The following PUM2 variants were observed in gnomAD, a reference collection of about 807,000 sequenced individuals.
PUM2 encodes the protein pumilio RNA binding family member 2, also known as pumilio homolog 2.
In PUM2, 57 loss-of-function variants were observed where a neutral mutation model predicts 124.5. The ratio of observed to expected loss-of-function variants is 0.46; its 90% CI spans 0.37 to 0.57. The LOEUF (loss-of-function observed/expected upper bound fraction) is 0.57. PUM2 is among the 20% of genes least tolerant of loss of function. The probability of loss-of-function intolerance (pLI) is 0.00; values close to 1 mark genes in which losing one functional copy is unlikely to be tolerated. For missense variants in PUM2, 1,065 were observed against 1,290.6 expected, an observed-to-expected ratio of 0.83 and a Z score of 2.68; for synonymous variants, 460 against 446.1, an observed-to-expected ratio of 1.03 and a Z score of -0.39.
At chr2:20,338,357 A>G (rs972256677) in intron 1 of PUM2, among the ~76,000 whole-genome samples, 1 of 152,190 alleles carries the variant, frequency 6.6e-6, no homozygotes, top group African/African-American at 2.4e-5. Flanking sequence ...AGACTGCACC[A>G]CTGCACTCCA....
chr2:20,324,670 T>C (rs1683240460), intron 2 of PUM2, among the ~76,000 whole-genome samples: 3 of 152,182 alleles, frequency 2.0e-5, no homozygotes, highest in Admixed American at 2.0e-4. Context: ...TCAGTAGGTC[T>C]TTCGACAGAA....
At chr2:20,306,448 T>C (rs1678315255) in intron 7 of PUM2, among the ~76,000 whole-genome samples, 1 of 152,006 alleles carries the variant, frequency 6.6e-6, no homozygotes, top group Non-Finnish European at 1.5e-5. Context: ...TAAAAACCGT[T>C]GTGCTGTCCA....
At chr2:20,263,503 T>C in intron 13 of PUM2, 43 bp from the exon 14 acceptor site, 1 of 1,545,204 alleles carries the variant, frequency 6.5e-7, no homozygotes, top group South Asian at 1.2e-5. Context: ...TTTGACAAAG[T>C]TATTCCTCAA....
chr2:20,278,944 G>T, intron 12 of PUM2, 125 bp from the exon 13 acceptor site: 1 of 722,606 alleles, frequency 1.4e-6, no homozygotes, highest in Non-Finnish European at 2.3e-6. Flanking sequence ...TTTTGGAGAA[G>T]ATAATTACTG....
At chr2:20,322,363 G>A (rs779862350) in intron 2 of PUM2, among the ~76,000 whole-genome samples, 2 of 152,078 alleles carry the variant, frequency 1.3e-5, no homozygotes, top group Non-Finnish European at 2.9e-5. Flanking sequence ...TGAGAAGATA[G>A]TTTGAGCCCA....
intron 1 of PUM2, among the ~76,000 whole-genome samples, chr2:20,337,084 C>T (rs1363426783): frequency 6.6e-6 from 1 of 152,000 alleles, no homozygotes; most frequent in African/African-American, 2.4e-5. Flanking sequence ...TATAATAAAA[C>T]TACTGATCTA....
rs757922891 is a variant in PUM2 at position 20,263,314 on chromosome 2, T to C, written c.2104A>G (p.Ile702Val). 28 of 1,614,038 alleles carry C rather than the reference T, an allele frequency of 1.7e-5. No individual in the cohort carries two copies. In the African/African-American group the frequency reaches 1.9e-4, roughly 11 times the overall value. The part of the protein sequence containing the change: ...PSRLRYNRSD[I>V]MPSGRSRLLE... ...AATCTACTGCGGCCAGAAGGCATAATATCAGACCTATTATACCGAAGCCGG... is the reference window on the plus strand; with the variant it reads ...AATCTACTGCGGCCAGAAGGCATAACATCAGACCTATTATACCGAAGCCGG... The change falls in exon 14 of 21, where the codon ATT (isoleucine) becomes GTT (valine). Residue 702 changes from isoleucine (I) to valine (V), a missense_variant. Ile to Val is a conservative substitution (Grantham distance 29). Coordinates refer to ENST00000361078, the MANE Select transcript of PUM2 (RefSeq NM_015317.5).
chr2:20,313,458 C>T (rs898078304), intron 3 of PUM2, among the ~76,000 whole-genome samples: 6 of 152,210 alleles, frequency 3.9e-5, no homozygotes, highest in Admixed American at 6.5e-5. Context: ...GGATCAGTTG[C>T]TTATAAACAT....
At chr2:20,277,899 T>C (rs1009642093) in intron 13 of PUM2, among the ~76,000 whole-genome samples, 4 of 152,144 alleles carry the variant, frequency 2.6e-5, no homozygotes, top group South Asian at 2.1e-4. Flanking sequence ...TCAAAACGTA[T>C]TATCTACATG....
intron 7 of PUM2, among the ~76,000 whole-genome samples, chr2:20,297,974 G>C (rs1211811830): frequency 6.6e-6 from 1 of 152,136 alleles, no homozygotes; most frequent in Non-Finnish European, 1.5e-5. Context: ...AATTCAAAAA[G>C]AAATGACTGC....
Position 20,282,973 on chromosome 2 carries a change from G to A in PUM2, c.1694C>T (p.Ser565Leu), listed in dbSNP as rs1197237359. ...SGNSLGAAIGSALSGFGSSVG... is the reference protein window; with the variant it reads ...SGNSLGAAIGLALSGFGSSVG... ...TGATGAACCAAATCCACTGAGGGCT[G>A]AGCCTATAGCAGCACCCAAAGAGTT... Residue 565 changes from serine to leucine, a missense_variant, in exon 12 of 21, where the codon TCA becomes TTA. Transcript: ENST00000361078. 6.2e-7 allele frequency: 1 copy of A among 1,613,966 alleles called. No individual in the cohort carries two copies. The highest frequency in any genetic ancestry group is 8.5e-7 in the Non-Finnish European group (1 of 1,179,994).
chr2:20,287,384 G>A (rs909721338), intron 10 of PUM2, among the ~76,000 whole-genome samples: 2 of 152,142 alleles, frequency 1.3e-5, no homozygotes, highest in African/African-American at 2.4e-5. Flanking sequence ...CTTCATGAAA[G>A]GGACCATATT....
intron 1 of PUM2, among the ~76,000 whole-genome samples, chr2:20,348,311 C>T (rs1325958137): frequency 6.6e-6 from 1 of 152,072 alleles, no homozygotes; most frequent in Non-Finnish European, 1.5e-5. Context: ...GCCATGTAGA[C>T]AAAGCCATGT....
chr2:20,326,120 T>C (rs562321277), intron 2 of PUM2: 39 of 637,492 alleles, frequency 6.1e-5, no homozygotes, highest in South Asian at 9.5e-5. Flanking sequence ...TAACCAGATA[T>C]TGCACTGCAG....
rs1663118083 is a variant in PUM2 at position 20,250,794 on chromosome 2, T to C, written c.*791A>G. The stretch of plus-strand genomic sequence containing the variant: ...CACTCTTTCTCATTGCAAACCAAAC[T>C]GAAAAGTTAATAAGTGACTTAACTT... On this transcript the variant is annotated 3_prime_UTR_variant, in exon 21 of 21. Transcript: ENST00000361078. The C allele has an allele frequency of 6.6e-6, 1 of 152,632 alleles. No homozygotes were observed. The highest frequency in any genetic ancestry group is 2.4e-5 in the African/African-American group (1 of 41,466). The allele number at this position is 152,632 out of a possible 1,614,324, so 9.5% of individuals were successfully genotyped here.
At chr2:20,304,230 G>C (rs1262361612) in intron 7 of PUM2, among the ~76,000 whole-genome samples, 3 of 151,950 alleles carry the variant, frequency 2.0e-5, no homozygotes, top group East Asian at 1.9e-4. Context: ...GCCATCTGTA[G>C]GTCACCTGGC....
chr2:20,276,003 GTTA>G lies in PUM2; in HGVS notation c.1957+2577_1957+2579del, dbSNP rs140855807. ...ATTTTAAAATGTATGATATACTGTAGTTATTGTTTTGAAATAGAACCTCAGATA... is the reference window on the plus strand; with the variant it reads ...ATTTTAAAATGTATGATATACTGTAGTTGTTTTGAAATAGAACCTCAGATA... On this transcript the variant is annotated intron_variant, in intron 13 of 20. Coordinates refer to ENST00000361078, the MANE Select transcript of PUM2 (RefSeq NM_015317.5). 5.0e-3 allele frequency among the ~76,000 whole-genome samples: 767 copies of G among 152,078 alleles called. 19 individuals are homozygous for G. The highest frequency in any genetic ancestry group is 0.021 in the East Asian group (109 of 5,182).
At chr2:20,326,168 T>G (rs1471528088) in intron 2 of PUM2, 1 of 1,098,178 alleles carries the variant, frequency 9.1e-7, no homozygotes, top group African/African-American at 1.7e-5. Flanking sequence ...AAATTCAATT[T>G]CTTCAATTTT....
At chr2:20,313,574 G>C (rs147317360) in intron 3 of PUM2, among the ~76,000 whole-genome samples, 1 of 152,160 alleles carries the variant, frequency 6.6e-6, no homozygotes, top group African/African-American at 2.4e-5. Flanking sequence ...GGGCTCATAC[G>C]TGCTATCCCA....
Sources: allele counts gnomAD v4.1 joint callset (sites outside exome capture counted in the v4.1 genomes callset), GRCh38; gene constraint gnomAD v4.1.1; transcripts MANE v1.5; gene names NCBI Gene and HGNC (gene_info 2026-07-23, HGNC 2026-07-21).